The following SYBU variants were observed in gnomAD, a reference collection of about 807,000 sequenced individuals.
SYBU encodes the protein GOLSYN A protein.
In SYBU, 21 loss-of-function variants were observed where a neutral mutation model predicts 35.9. The observed-to-expected ratio is 0.58, with a 90% CI of 0.41 to 0.84. The LOEUF (loss-of-function observed/expected upper bound fraction) is 0.84, where lower values mean the gene tolerates loss of function less well. Among genes scored for constraint, SYBU ranks in the 40% least tolerant of loss-of-function variants. SYBU has a pLI of 0.00. For missense variants in SYBU, 768 were observed against 848.2 expected (o/e 0.91, Z 1.17); for synonymous variants, 319 against 324.3 (o/e 0.98, Z 0.18).
intron 3 of SYBU, among the ~76,000 whole-genome samples, chr8:109,602,170 A>C (rs1162468047): frequency 6.6e-6 from 1 of 152,200 alleles, no homozygotes; most frequent in African/African-American, 2.4e-5. Flanking sequence ...TTAAAAATAG[A>C]AAAAGGATAA....
At chr8:109,611,560 G>T (rs1473320252) in intron 3 of SYBU, among the ~76,000 whole-genome samples, 1 of 152,114 alleles carries the variant, frequency 6.6e-6, no homozygotes, top group Non-Finnish European at 1.5e-5. Context: ...GTATCCTAGG[G>T]GAGCATTCTT....
chr8:109,608,548 C>T (rs1826299717), intron 3 of SYBU, among the ~76,000 whole-genome samples: 1 of 152,120 alleles, frequency 6.6e-6, no homozygotes, highest in African/African-American at 2.4e-5. Flanking sequence ...AAATGGAATA[C>T]AGAGCTCTCT....
intron 2 of SYBU, among the ~76,000 whole-genome samples, chr8:109,632,408 T>A (rs1813733838): frequency 6.6e-6 from 1 of 152,214 alleles, no homozygotes. Context: ...TTTAAGGACA[T>A]CTGAATTAAA....
chr8:109,685,244 A>G (rs1340345059), upstream of SYBU, among the ~76,000 whole-genome samples: 1 of 152,248 alleles, frequency 6.6e-6, no homozygotes, highest in Non-Finnish European at 1.5e-5. Context: ...ACACGAAAAC[A>G]TGTTAGACTT....
At chr8:109,665,897 G>T (rs1252493779) in intron 1 of SYBU, among the ~76,000 whole-genome samples, 2 of 152,104 alleles carry the variant, frequency 1.3e-5, no homozygotes, top group African/African-American at 4.8e-5. Flanking sequence ...AAAATACAAA[G>T]CAGTTTTATT....
intron 2 of SYBU, among the ~76,000 whole-genome samples, chr8:109,626,476 C>A (rs896806640): frequency 1.3e-5 from 2 of 152,108 alleles, no homozygotes; most frequent in East Asian, 1.9e-4. Flanking sequence ...CTTTGCAATG[C>A]TTTTATGATG....
At chr8:109,659,419 C>T (rs1816479726) in intron 1 of SYBU, among the ~76,000 whole-genome samples, 1 of 152,140 alleles carries the variant, frequency 6.6e-6, no homozygotes, top group African/African-American at 2.4e-5. Context: ...TCCAGTGTTG[C>T]AGGGGTAGGG....
intron 5 of SYBU, 123 bp from the exon 6 acceptor site, chr8:109,578,140 T>C: frequency 9.0e-7 from 1 of 1,116,322 alleles, no homozygotes; most frequent in South Asian, 1.7e-5. Context: ...GTTGAACTTC[T>C]TACCCCAATA....
At chr8:109,589,020 T>C (rs1482994069) in intron 3 of SYBU, among the ~76,000 whole-genome samples, 2 of 151,828 alleles carry the variant, frequency 1.3e-5, no homozygotes, top group East Asian at 3.9e-4. Context: ...ATTAGCTGGG[T>C]GTGGTGGTGA....
chr8:109,625,134 T>C (rs1812846903), intron 2 of SYBU, among the ~76,000 whole-genome samples: 1 of 150,038 alleles, frequency 6.7e-6, no homozygotes, highest in South Asian at 2.2e-4. Flanking sequence ...ATGTGCTTTT[T>C]TTAAAAAAAA....
At position 109,574,902 on chromosome 8, in the gene SYBU, C is replaced by A; in HGVS notation, c.*4G>T. The stretch of plus-strand genomic sequence containing the variant: ...CATTGGCACACGGTAACAACAACTT[C>A]TATTTAGGTTTTGATACGGAAGGCG... On this transcript the variant is annotated 3_prime_UTR_variant, in exon 7 of 7. Transcript: ENST00000276646. The A allele has an allele frequency of 6.6e-7, 1 of 1,513,962 alleles. No homozygotes were observed. The highest frequency in any genetic ancestry group is 2.3e-5 in the Admixed American group (1 of 44,006). 93.8% of individuals were successfully genotyped at this position (1,513,962 alleles called of 1,614,324 possible). A position where few individuals can be genotyped will look rare whatever the true frequency, so the allele number is the denominator to read the frequency against.
intron 1 of SYBU, 128 bp from the exon 2 acceptor site, chr8:109,643,060 CCTT>C: frequency 2.2e-6 from 3 of 1,390,924 alleles, no homozygotes; most frequent in Non-Finnish European, 2.8e-6. Context: ...ACAGAGTAGT[CCTT>C]CTTATCTCAG....
chr8:109,633,359 T>C (rs1813848743), intron 2 of SYBU, among the ~76,000 whole-genome samples: 1 of 152,114 alleles, frequency 6.6e-6, no homozygotes, highest in African/African-American at 2.4e-5. Flanking sequence ...AAATCCACAC[T>C]GAGCAGGGAA....
At chr8:109,591,006 A>G (rs1192252664) in intron 3 of SYBU, among the ~76,000 whole-genome samples, 3 of 152,222 alleles carry the variant, frequency 2.0e-5, no homozygotes, top group African/African-American at 7.2e-5. Flanking sequence ...TGCTACATGC[A>G]TAAAAAAGAA....
At chr8:109,611,344 T>C (rs930205578) in intron 3 of SYBU, among the ~76,000 whole-genome samples, 1 of 152,160 alleles carries the variant, frequency 6.6e-6, no homozygotes, top group African/African-American at 2.4e-5. Context: ...GGAAAAACCA[T>C]TAAAGGGCCA....
intron 1 of SYBU, 89 bp from the exon 2 acceptor site, chr8:109,643,021 G>A (rs1456601781): frequency 6.9e-7 from 1 of 1,452,916 alleles, no homozygotes; most frequent in African/African-American, 1.4e-5. Flanking sequence ...CAATTTCTAA[G>A]AAATCACATT....
At chr8:109,610,760 C>CCAGAG (rs2130230509) in intron 3 of SYBU, among the ~76,000 whole-genome samples, 1 of 152,316 alleles carries the variant, frequency 6.6e-6, no homozygotes, top group South Asian at 2.1e-4. Context: ...AGGTATTTAT[C>CCAGAG]CCTCTGGCCC....
chr8:109,669,917 A>T (rs58794124), intron 1 of SYBU, among the ~76,000 whole-genome samples: 5,320 of 152,342 alleles, frequency 0.035, 311 homozygotes, highest in African/African-American at 0.12. Flanking sequence ...TGCTCATCAT[A>T]GTCACATTTA....
At chr8:109,576,742 A>G (rs1483095974) in intron 6 of SYBU, among the ~76,000 whole-genome samples, 4 of 152,162 alleles carry the variant, frequency 2.6e-5, no homozygotes, top group Non-Finnish European at 5.9e-5. Context: ...GGACAACCCT[A>G]TTTCAAGATC....
Sources: gnomAD v4.1 joint callset for allele counts (sites outside exome capture counted in the v4.1 genomes callset) on GRCh38, gnomAD v4.1.1 for gene constraint, MANE v1.5 for transcripts, NCBI Gene and HGNC (gene_info 2026-07-23, HGNC 2026-07-21) for gene names.